Variants in CAMK1D observed in about 807,000 individuals in gnomAD.
CAMK1D encodes calcium/calmodulin-dependent protein kinase type 1D.
A neutral mutation model predicts 47.7 loss-of-function variants in CAMK1D; 9 were observed. The ratio of observed to expected loss-of-function variants is 0.19; its 90% confidence interval spans 0.11 to 0.33. CAMK1D has a LOEUF of 0.33. Ranked by LOEUF, CAMK1D falls within the 10% of genes least tolerant of loss-of-function variation. The pLI, the probability that CAMK1D is intolerant of heterozygous loss-of-function variation, is 1.00. For synonymous variants in CAMK1D, 184 were observed against 184.9 expected, an observed-to-expected ratio of 0.99 and a Z score of 0.04; for missense variants, 291 against 488.7, an observed-to-expected ratio of 0.60 and a Z score of 3.81.
chr10:12,403,163 C>T (rs1299403526), intron 1 of CAMK1D, among the ~76,000 whole-genome samples: 1 of 152,196 alleles, frequency 6.6e-6, no homozygotes, highest in African/African-American at 2.4e-5. Context: ...CCTAATGATG[C>T]GATCTGAGGA....
intron 1 of CAMK1D, among the ~76,000 whole-genome samples, chr10:12,505,498 C>T (rs1474611237): frequency 1.3e-5 from 2 of 152,218 alleles, no homozygotes; most frequent in Admixed American, 1.3e-4. Flanking sequence ...TCACTCAGAG[C>T]CCAGGCTCTC....
intron 3 of CAMK1D, among the ~76,000 whole-genome samples, chr10:12,667,620 C>G (rs757083874): frequency 1.3e-5 from 2 of 152,152 alleles, no homozygotes; most frequent in Non-Finnish European, 2.9e-5. Context: ...TAAATAAATG[C>G]TGGAACATCA....
intron 3 of CAMK1D, among the ~76,000 whole-genome samples, chr10:12,742,474 A>G (rs1835475262): frequency 6.6e-6 from 1 of 152,196 alleles, no homozygotes; most frequent in Non-Finnish European, 1.5e-5. Flanking sequence ...CTCATTTCGA[A>G]TGTACAATTG....
chr10:12,485,462 G>C (rs1232150999), intron 1 of CAMK1D, among the ~76,000 whole-genome samples: 1 of 152,158 alleles, frequency 6.6e-6, no homozygotes, highest in African/African-American at 2.4e-5. Context: ...GGTGGCCCCA[G>C]CTGCAAATGT....
chr10:12,813,933 A>G (rs1380463700), intron 6 of CAMK1D, among the ~76,000 whole-genome samples: 3 of 139,462 alleles, frequency 2.2e-5, no homozygotes, highest in African/African-American at 8.5e-5. Flanking sequence ...CCACCACACC[A>G]TGTCAGCTGA....
intron 3 of CAMK1D, among the ~76,000 whole-genome samples, chr10:12,727,029 C>T (rs116944135): frequency 0.015 from 2,351 of 152,342 alleles, 37 homozygotes; most frequent in South Asian, 0.032. Flanking sequence ...GCTCCCCTTC[C>T]GCGTTATCCT....
At chr10:12,766,799 G>A (rs551175798) in intron 4 of CAMK1D, among the ~76,000 whole-genome samples, 29 of 152,190 alleles carry the variant, frequency 1.9e-4, no homozygotes, top group African/African-American at 6.7e-4. Flanking sequence ...GTGGTGGGGG[G>A]ATTCTCCAAC....
chr10:12,448,661 G>T (rs192061178), intron 1 of CAMK1D, among the ~76,000 whole-genome samples: 1 of 152,292 alleles, frequency 6.6e-6, no homozygotes, highest in East Asian at 1.9e-4. Context: ...ACATTTTTTC[G>T]ACATCAGATA....
In CAMK1D at chr10:12,436,215, G is replaced by A. The variant is rs117292405; in HGVS notation, c.92+86305G>A. 4.8e-3 allele frequency among the ~76,000 whole-genome samples: 725 copies of A among 152,304 alleles called. 7 individuals carry two copies. In the East Asian group the frequency reaches 0.063, roughly 13 times the overall value. ...CTTGGTCTTCCTCTTCCACGTACAG[G>A]CTTCACATGTGTGCCCAGGGGTGGG... On this transcript the variant is annotated intron_variant, in intron 1 of 10. Coordinates refer to ENST00000619168, the MANE Select transcript of CAMK1D (RefSeq NM_153498.4).
chr10:12,488,105 G>A lies in CAMK1D; in HGVS notation c.93-65120G>A, dbSNP rs193191117. Among the ~76,000 whole-genome samples the A allele has an allele frequency of 2.1e-4, 32 of 152,298 alleles. No individual in the cohort carries two copies. In the East Asian group the frequency reaches 5.6e-3, roughly 27 times the overall value. ...AACCCCATTCACTCTAAGTAGAAGA[G>A]ACTGCTAACAACTTGCTATTGTACT... On this transcript the variant is annotated intron_variant, in intron 1 of 10. Coordinates refer to ENST00000619168, the MANE Select transcript of CAMK1D (RefSeq NM_153498.4).
intron 1 of CAMK1D, among the ~76,000 whole-genome samples, chr10:12,414,175 C>T (rs1839766351): frequency 6.6e-6 from 1 of 152,146 alleles, no homozygotes; most frequent in African/African-American, 2.4e-5. Flanking sequence ...AATTTCCTCC[C>T]TCTAAAGAGG....
intron 4 of CAMK1D, among the ~76,000 whole-genome samples, chr10:12,764,107 G>A (rs1437685762): frequency 6.6e-6 from 1 of 152,170 alleles, no homozygotes; most frequent in African/African-American, 2.4e-5. Context: ...TTGGCTGGGC[G>A]CGGAGGCTCA....
At chr10:12,646,327 T>C (rs1269172445) in intron 2 of CAMK1D, among the ~76,000 whole-genome samples, 2 of 152,190 alleles carry the variant, frequency 1.3e-5, no homozygotes, top group Non-Finnish European at 1.5e-5. Flanking sequence ...TACAAACAAA[T>C]TTTTACAAAT....
intron 2 of CAMK1D, among the ~76,000 whole-genome samples, chr10:12,593,489 C>T (rs1361666632): frequency 6.6e-6 from 1 of 152,168 alleles, no homozygotes; most frequent in Non-Finnish European, 1.5e-5. Flanking sequence ...ACTCTGGAGG[C>T]TGAGGCAGGA....
At chr10:12,503,678 CT>C (rs1588562321) in intron 1 of CAMK1D, among the ~76,000 whole-genome samples, 1 of 152,168 alleles carries the variant, frequency 6.6e-6, no homozygotes, top group Non-Finnish European at 1.5e-5. Context: ...GGATGACTGG[CT>C]TGGGGGTTTT....
chr10:12,527,445 C>G (rs1835662916), intron 1 of CAMK1D, among the ~76,000 whole-genome samples: 1 of 149,404 alleles, frequency 6.7e-6, no homozygotes, highest in African/African-American at 2.5e-5. Context: ...ACCTCCGCCT[C>G]CCAGGTTCAA....
intron 2 of CAMK1D, among the ~76,000 whole-genome samples, chr10:12,632,351 G>T (rs1001663781): frequency 1.3e-5 from 2 of 152,166 alleles, no homozygotes; most frequent in Admixed American, 6.5e-5. Flanking sequence ...GCCCTGAAAG[G>T]GTAAGAACTT....
In CAMK1D at chr10:12,623,135, CCCTT is replaced by C. The variant is rs560557241; in HGVS notation, c.225-43597_225-43594del. Among the ~76,000 whole-genome samples, 158 of 39,154 alleles carry C rather than the reference CCCTT, an allele frequency of 4.0e-3. 2 individuals carry two copies. Among genetic ancestry groups the C allele is most frequent in the African/African-American group, 0.013 (152 of 12,116 alleles). 25.7% of individuals were successfully genotyped at this position (39,154 alleles called of 152,430 possible). A position where few individuals can be genotyped will look rare whatever the true frequency, so the allele number is the denominator to read the frequency against. On this transcript the variant is annotated intron_variant, in intron 2 of 10. Coordinates refer to ENST00000619168, the MANE Select transcript of CAMK1D (RefSeq NM_153498.4). ...TCCCTTCCTTCTTTCCTTCCTCCCT[CCCTT>C]CCTCCCTTCCTTCCTCCCTCCTTTC...
intron 3 of CAMK1D, among the ~76,000 whole-genome samples, chr10:12,694,154 T>TGCATA (rs1833100583): frequency 3.5e-5 from 2 of 57,094 alleles, no homozygotes; most frequent in African/African-American, 8.3e-5. Context: ...TAATATATAA[T>TGCATA]ATATATTATG....
Sources: allele counts gnomAD v4.1 joint callset (sites outside exome capture counted in the v4.1 genomes callset), GRCh38; gene constraint gnomAD v4.1.1; transcripts MANE v1.5; gene names NCBI Gene and HGNC (gene_info 2026-07-23, HGNC 2026-07-21).